The following TAOK1 variants were observed in gnomAD, a reference collection of about 807,000 sequenced individuals.
TAOK1 encodes TAO kinase 1, also known as serine/threonine-protein kinase TAO1.
A neutral mutation model predicts 138.3 loss-of-function variants in TAOK1; 21 were observed. The observed-to-expected ratio is 0.15, with a 90% CI of 0.11 to 0.22. The LOEUF (loss-of-function observed/expected upper bound fraction) is 0.22. Among genes scored for constraint, TAOK1 ranks in the 10% least tolerant of loss-of-function variants. TAOK1 has a pLI of 1.00. For synonymous variants in TAOK1, 361 were observed against 398.4 expected (o/e 0.91, Z 1.12); for missense variants, 651 against 1,227.7 (o/e 0.53, Z 7.02).
At chr17:29,422,546 TTA>T (rs1326601377) in intron 1 of TAOK1, among the ~76,000 whole-genome samples, 1 of 152,196 alleles carries the variant, frequency 6.6e-6, no homozygotes, top group Non-Finnish European at 1.5e-5. Flanking sequence ...CTTCGATAGT[TTA>T]TGTTTTTTCA....
rs377662446 is a variant in TAOK1 at position 29,396,906 on chromosome 17, C to T, written c.-95+5882C>T. Reference sequence around the variant, plus strand: ...ACTTGGGAGGCTGAGGCAGGAGAATCGCTGGAACTTGGGAGGTAGTGGTTG... The same window carrying T: ...ACTTGGGAGGCTGAGGCAGGAGAATTGCTGGAACTTGGGAGGTAGTGGTTG... On this transcript the variant is annotated intron_variant, in intron 1 of 19. Transcript: ENST00000261716. Among the ~76,000 whole-genome samples the T allele has an allele frequency of 1.4e-4, 20 of 145,724 alleles. No individual in the cohort carries two copies. In the East Asian group the frequency reaches 2.1e-3, roughly 15 times the overall value.
intron 1 of TAOK1, among the ~76,000 whole-genome samples, chr17:29,425,068 C>T (rs1409908845): frequency 6.6e-6 from 1 of 152,112 alleles, no homozygotes; most frequent in African/African-American, 2.4e-5. Context: ...TTAGTAAATA[C>T]TTATTGGTTT....
At chr17:29,514,997 T>TAAAAAA (rs33933134) in intron 15 of TAOK1, 1 of 101,982 alleles carries the variant, frequency 9.8e-6, no homozygotes, top group Non-Finnish European at 1.9e-5. Context: ...AAATTCGATC[T>TAAAAAA]AAAAAAAAAA....
chr17:29,499,292 C>T (rs1484004781), intron 12 of TAOK1, among the ~76,000 whole-genome samples: 2 of 148,238 alleles, frequency 1.3e-5, no homozygotes, highest in Non-Finnish European at 3.0e-5. Context: ...GTGCAGTGGC[C>T]ACAATCTTGA....
At chr17:29,463,140 T>C (rs2030570684) in intron 2 of TAOK1, among the ~76,000 whole-genome samples, 2 of 152,236 alleles carry the variant, frequency 1.3e-5, no homozygotes, top group African/African-American at 4.8e-5. Flanking sequence ...ATATTCTTTA[T>C]GCTATTCTTG....
At chr17:29,507,779 C>A in intron 13 of TAOK1, 117 bp from the exon 14 acceptor site, 1 of 925,722 alleles carries the variant, frequency 1.1e-6, no homozygotes, top group Non-Finnish European at 1.6e-6. Context: ...TTGGAATCTG[C>A]TAACATTGGG....
chr17:29,517,494 G>A lies in TAOK1; in HGVS notation c.1746G>A (p.Gln582=). 6.2e-7 allele frequency: 1 copy of A among 1,613,990 alleles called. No homozygotes were observed. The highest frequency in any genetic ancestry group is 8.5e-7 in the Non-Finnish European group (1 of 1,180,010). Residue 582 remains glutamine (Q), a synonymous_variant, in exon 16 of 20, where the codon CAG becomes CAA. Coordinates refer to ENST00000261716, the MANE Select transcript of TAOK1 (RefSeq NM_020791.4). ...ENQSTPKKEK[Q]EWLSKQKENI... ...AGAGTACCCCCAAAAAAGAAAAACAGGAGTGGCTTTCAAAGCAGAAGGAGA... is the reference window on the plus strand; with the variant it reads ...AGAGTACCCCCAAAAAAGAAAAACAAGAGTGGCTTTCAAAGCAGAAGGAGA...
At chr17:29,405,388 CTT>C (rs1406402688) in intron 1 of TAOK1, among the ~76,000 whole-genome samples, 1 of 152,188 alleles carries the variant, frequency 6.6e-6, no homozygotes, top group Non-Finnish European at 1.5e-5. Flanking sequence ...GTTTAATACT[CTT>C]TTGAGATATT....
chr17:29,535,759 G>A (rs2032210442), intron 19 of TAOK1, among the ~76,000 whole-genome samples: 1 of 151,988 alleles, frequency 6.6e-6, no homozygotes, highest in Admixed American at 6.6e-5. Context: ...GAGGTTTAAG[G>A]TGAGAGGATC....
chr17:29,415,392 ATG>A (rs1259388791), intron 1 of TAOK1, among the ~76,000 whole-genome samples: 3 of 152,154 alleles, frequency 2.0e-5, no homozygotes, highest in Non-Finnish European at 2.9e-5. Flanking sequence ...CATGATAATT[ATG>A]TGTTTAACTT....
At chr17:29,512,516 A>C (rs2031740691) in intron 15 of TAOK1, 1 of 151,722 alleles carries the variant, frequency 6.6e-6, no homozygotes, top group Non-Finnish European at 1.5e-5. Context: ...AGTAGCCGGC[A>C]TTACAGGCGA....
At chr17:29,400,998 C>T (rs1392538780) in intron 1 of TAOK1, among the ~76,000 whole-genome samples, 2 of 150,652 alleles carry the variant, frequency 1.3e-5, no homozygotes, top group South Asian at 2.1e-4. Context: ...GCGGCCTCCA[C>T]CTCCTGGCTC....
chr17:29,421,156 C>T (rs1905432810), intron 1 of TAOK1, among the ~76,000 whole-genome samples: 1 of 151,122 alleles, frequency 6.6e-6, no homozygotes, highest in African/African-American at 2.4e-5. Flanking sequence ...TCTCAGTCTC[C>T]TCGACCTTGT....
intron 1 of TAOK1, among the ~76,000 whole-genome samples, chr17:29,441,366 A>G (rs2029936747): frequency 6.6e-6 from 1 of 152,156 alleles, no homozygotes; most frequent in Non-Finnish European, 1.5e-5. Flanking sequence ...AGAAGTCATG[A>G]GTGAAGCCAT....
At chr17:29,411,467 C>G (rs574866067) in intron 1 of TAOK1, among the ~76,000 whole-genome samples, 4 of 152,076 alleles carry the variant, frequency 2.6e-5, no homozygotes, top group Admixed American at 6.6e-5. Flanking sequence ...TCTCAGCTTA[C>G]TGCAACCTCT....
chr17:29,449,336 T>TA (rs545272053), intron 1 of TAOK1, among the ~76,000 whole-genome samples: 52 of 152,282 alleles, frequency 3.4e-4, no homozygotes, highest in African/African-American at 1.2e-3. Context: ...GGGAAATTGG[T>TA]AAAAGTATAT....
chr17:29,428,863 A>G (rs1334483962), intron 1 of TAOK1, among the ~76,000 whole-genome samples: 1 of 151,744 alleles, frequency 6.6e-6, no homozygotes, highest in Non-Finnish European at 1.5e-5. Context: ...CCTAGGCTCA[A>G]GTGATCCTCT....
At chr17:29,499,740 T>C (rs1167210874) in intron 12 of TAOK1, among the ~76,000 whole-genome samples, 1 of 151,634 alleles carries the variant, frequency 6.6e-6, no homozygotes, top group East Asian at 1.9e-4. Flanking sequence ...TTTGTATTTT[T>C]AGTAGCAAAG....
At chr17:29,443,022 A>T (rs1216881986) in intron 1 of TAOK1, among the ~76,000 whole-genome samples, 1 of 152,176 alleles carries the variant, frequency 6.6e-6, no homozygotes, top group Non-Finnish European at 1.5e-5. Flanking sequence ...GTGTGTGTCT[A>T]TCGAGGGAGG....
Sources: gnomAD v4.1 joint callset for allele counts (sites outside exome capture counted in the v4.1 genomes callset) on GRCh38, gnomAD v4.1.1 for gene constraint, MANE v1.5 for transcripts, NCBI Gene and HGNC (gene_info 2026-07-23, HGNC 2026-07-21) for gene names.